The following SVEP1 variants were observed in gnomAD, a reference collection of about 807,000 sequenced individuals.
SVEP1 encodes the protein sushi, von Willebrand factor type A, EGF and pentraxin domain-containing protein 1.
SVEP1 carries 164 observed loss-of-function variants against 367.3 expected under a neutral mutation model. The observed-to-expected ratio is 0.45, with a 90% CI of 0.39 to 0.51. The LOEUF is 0.51. Ranked by LOEUF, SVEP1 falls within the 20% of genes least tolerant of loss-of-function variation. The pLI is 0.00. For missense variants in SVEP1, 4,117 were observed against 4,425.3 expected (o/e 0.93, Z 1.98); for synonymous variants, 1,666 against 1,611.6 (o/e 1.03, Z -0.81).
At chr9:110,387,641 G>T (rs1186147949) in intron 41 of SVEP1, among the ~76,000 whole-genome samples, 183 bp from the exon 42 acceptor site, 1 of 152,152 alleles carries the variant, frequency 6.6e-6, no homozygotes, top group African/African-American at 2.4e-5. Context: ...ATTAATACAT[G>T]CATGCAATTA....
chr9:110,500,373 G>T (rs1829513870), intron 6 of SVEP1, among the ~76,000 whole-genome samples: 1 of 152,028 alleles, frequency 6.6e-6, no homozygotes, highest in South Asian at 2.1e-4. Context: ...TATCCTTTTG[G>T]CTGTCAAAGT....
intron 18 of SVEP1, among the ~76,000 whole-genome samples, chr9:110,461,689 C>T (rs1828860755): frequency 6.6e-6 from 1 of 151,938 alleles, no homozygotes; most frequent in Admixed American, 6.6e-5. Flanking sequence ...AGCTCTTTTA[C>T]CCAATTAACA....
chr9:110,375,488 A>AAAG, intron 45 of SVEP1, 25 bp from the exon 46 acceptor site: 1 of 1,387,122 alleles, frequency 7.2e-7, no homozygotes, highest in Non-Finnish European at 9.8e-7. Flanking sequence ...AAAAAAAAAA[A>AAAG]AAGGAGGCAG....
rs185508633 is a variant in SVEP1, at chr9:110,558,139, T to C, written c.532-8035A>G. On this transcript the variant is annotated intron_variant, in intron 1 of 47. Coordinates refer to ENST00000374469, the MANE Select transcript of SVEP1 (RefSeq NM_153366.4). Reference sequence around the variant, plus strand: ...CATCTAGAGAAGGCCTATGAAAATATTCTGTAAATCCAAGATATACAAAAT... The same window carrying C: ...CATCTAGAGAAGGCCTATGAAAATACTCTGTAAATCCAAGATATACAAAAT... Among the ~76,000 whole-genome samples the C allele has an allele frequency of 1.2e-4, 18 of 152,132 alleles. No homozygotes were observed. The East Asian group carries it at 3.5e-3, about 29-fold the overall frequency.
chr9:110,566,960 C>T (rs937114257), intron 1 of SVEP1, among the ~76,000 whole-genome samples: 14 of 152,230 alleles, frequency 9.2e-5, no homozygotes, highest in African/African-American at 2.6e-4. Context: ...ATTGCTCTCT[C>T]GGGAAAGTGA....
At chr9:110,388,256 T>C (rs1588025666) in intron 41 of SVEP1, among the ~76,000 whole-genome samples, 2 of 152,314 alleles carry the variant, frequency 1.3e-5, no homozygotes, top group African/African-American at 4.8e-5. Flanking sequence ...GTGAGTATTA[T>C]AGTAAAGTTA....
In SVEP1 at chr9:110,451,418, C is replaced by A; in HGVS notation, c.3788-16G>T. On this transcript the variant is annotated splice_polypyrimidine_tract_variant and intron_variant, in intron 22 of 47. Coordinates refer to ENST00000374469, the MANE Select transcript of SVEP1 (RefSeq NM_153366.4). ...CACCGCTGACCTGCAAAGAATCATT[C>A]ATCTTTGAGCTGGAGAAAACTTGAC... is the stretch of plus-strand genomic sequence containing the variant. The A allele has an allele frequency of 6.3e-7, 1 of 1,597,960 alleles. No homozygotes were observed. The highest frequency in any genetic ancestry group is 1.7e-5 in the Admixed American group (1 of 59,376).
chr9:110,391,554 G>A (rs768044930), intron 40 of SVEP1, among the ~76,000 whole-genome samples: 3 of 152,138 alleles, frequency 2.0e-5, no homozygotes, highest in Non-Finnish European at 4.4e-5. Flanking sequence ...TTATAGGCGT[G>A]AGCCACCATG....
intron 36 of SVEP1, among the ~76,000 whole-genome samples, chr9:110,423,440 A>T (rs1828206696): frequency 1.3e-5 from 2 of 152,094 alleles, no homozygotes; most frequent in South Asian, 2.1e-4. Context: ...CAGTTAAAAA[A>T]TGACTGATTT....
intron 40 of SVEP1, among the ~76,000 whole-genome samples, chr9:110,393,351 T>C (rs545898841): frequency 6.6e-6 from 1 of 152,252 alleles, no homozygotes; most frequent in South Asian, 2.1e-4. Flanking sequence ...TACTGCATGG[T>C]CAGAAAATAA....
At position 110,427,450 on chromosome 9, in the gene SVEP1, G is replaced by C. The variant is rs1449027851; in HGVS notation, c.5975+141C>G. 108 of 963,070 alleles carry C rather than the reference G, an allele frequency of 1.1e-4. 1 individual carries two copies. The highest frequency in any genetic ancestry group is 3.4e-4 in the South Asian group (19 of 56,136). The allele number at this position is 963,070 out of a possible 1,614,324, so 59.7% of individuals were successfully genotyped here. A position where few individuals can be genotyped will look rare whatever the true frequency, so the allele number is the denominator to read the frequency against. ...AGGAGAATATACTCCGTCTCTGCAG[G>C]TAGGAAATAAAAGCATAAGGCTCTC... On this transcript the variant is annotated intron_variant, in intron 36 of 47. Coordinates refer to ENST00000374469, the MANE Select transcript of SVEP1 (RefSeq NM_153366.4).
chr9:110,449,554 G>T (rs993986432), intron 24 of SVEP1, among the ~76,000 whole-genome samples: 1 of 152,078 alleles, frequency 6.6e-6, no homozygotes, highest in East Asian at 1.9e-4. Context: ...GTGGTGGCAG[G>T]CACCTGTAAT....
At chr9:110,366,596 A>G (rs777633914) in intron 47 of SVEP1, 36 bp from the exon 48 acceptor site, 2 of 1,518,558 alleles carry the variant, frequency 1.3e-6, no homozygotes, top group Admixed American at 4.7e-5. Context: ...AATAGATTCA[A>G]AAGAAAAAAT....
chr9:110,390,175 GTA>G (rs1285922492), intron 40 of SVEP1, among the ~76,000 whole-genome samples: 4 of 40,180 alleles, frequency 1.0e-4, no homozygotes, highest in Admixed American at 5.5e-4. Context: ...ATATAAGTAT[GTA>G]TGTATATATA....
chr9:110,437,584 G>T (rs1349773192), intron 27 of SVEP1, among the ~76,000 whole-genome samples: 1 of 151,994 alleles, frequency 6.6e-6, no homozygotes, highest in Non-Finnish European at 1.5e-5. Flanking sequence ...TTCTCTGCCT[G>T]CCTCTTAGAA....
At chr9:110,490,033 T>C (rs1478021645) in intron 8 of SVEP1, among the ~76,000 whole-genome samples, 1 of 152,192 alleles carries the variant, frequency 6.6e-6, no homozygotes, top group African/African-American at 2.4e-5. Context: ...TCTTATGTAG[T>C]CCTTAAAACT....
In SVEP1 at chr9:110,476,297, C is replaced by T; in HGVS notation, c.2506G>A (p.Asp836Asn). The change falls in exon 14 of 48, where the codon GAT becomes AAT. Residue 836 changes from aspartate (D) to asparagine (N), a missense_variant. Asp to Asn is a conservative substitution (Grantham distance 23, BLOSUM62 1). Transcript: ENST00000374469. The part of the protein sequence containing the change: ...LGKMVPSFCS[D>N]AEDIDCRLEE... ...AGTCTGCAGTCAATGTCCTCTGCAT[C>T]ACTACAAAATGATGGGACCTGCAAG... 6.2e-7 allele frequency: 1 copy of T among 1,613,012 alleles called. No homozygotes were observed. The highest frequency in any genetic ancestry group is 2.2e-5 in the East Asian group (1 of 44,862).
In SVEP1 at chr9:110,406,891, T is replaced by C. The variant is rs1293018123; in HGVS notation, c.8709A>G (p.Glu2903=). 3 of 1,613,980 alleles carry C rather than the reference T, an allele frequency of 1.9e-6. No homozygotes were observed. Among genetic ancestry groups the C allele is most frequent in the Non-Finnish European group, 2.5e-6 (3 of 1,179,872 alleles). ...TPPQLANGVT[E]GLDYGFMKEV... ...CCTTCATGAAGCCATAGTCCAGGCC[T>C]TCCGTCACCCCATTGGCCAGTTGTG... The change falls in exon 38 of 48, where the codon GAA becomes GAG. Residue 2903 remains glutamate, a synonymous_variant. Coordinates refer to ENST00000374469, the MANE Select transcript of SVEP1 (RefSeq NM_153366.4).
At chr9:110,529,569 T>C (rs1379222378) in intron 3 of SVEP1, among the ~76,000 whole-genome samples, 2 of 151,674 alleles carry the variant, frequency 1.3e-5, no homozygotes, top group East Asian at 3.9e-4. Context: ...CTTGTAGAGA[T>C]GGTTCACCTC....
Sources: allele counts gnomAD v4.1 joint callset (sites outside exome capture counted in the v4.1 genomes callset), GRCh38; gene constraint gnomAD v4.1.1; transcripts MANE v1.5; gene names NCBI Gene and HGNC (gene_info 2026-07-23, HGNC 2026-07-21).